Variants in MUC5AC observed in about 807,000 individuals in gnomAD.
MUC5AC encodes the protein mucin 5AC, oligomeric mucus/gel-forming, also known as mucin-5AC.
Under a neutral mutation model 169.7 loss-of-function variants are expected in MUC5AC, and 158 were observed. That is an observed-to-expected ratio of 0.93 (90% confidence interval 0.82 to 1.06). MUC5AC has a LOEUF of 1.06. Ranked by LOEUF, MUC5AC falls within the 50% of genes least tolerant of loss-of-function variation. The pLI, the probability that MUC5AC is intolerant of heterozygous loss-of-function variation, is 0.00. For missense variants in MUC5AC, 4,359 were observed against 3,089.9 expected, an observed-to-expected ratio of 1.41 and a Z score of -9.74; for synonymous variants, 1,975 against 1,237.0, an observed-to-expected ratio of 1.60 and a Z score of -12.52.
Position 1,162,092 on chromosome 11 carries a change from C to T in MUC5AC, c.397C>T (p.Leu133=), listed in dbSNP as rs1860160553. The part of the protein sequence containing the change: ...RRSQESAAPT[L]SRVLMKVDGV... ...CAGCCAGGAGTCAGCGGCCCCCACG[C>T]TGAGCAGGGTCCTCATGAAGGTGGA... The change falls in exon 4 of 49, where the codon CTG becomes TTG. Residue 133 remains leucine, a synonymous_variant. Transcript: ENST00000621226. 3 of 1,612,600 alleles carry T rather than the reference C, an allele frequency of 1.9e-6. No individual in the cohort carries two copies. Among genetic ancestry groups the T allele is most frequent in the East Asian group, 2.2e-5 (1 of 44,890 alleles).
intron 7 of MUC5AC, 49 bp downstream of exon 7, chr11:1,164,040 T>G: frequency 6.2e-7 from 1 of 1,609,814 alleles, no homozygotes; most frequent in Non-Finnish European, 8.5e-7. Flanking sequence ...CAGGAGGGGT[T>G]GTGAGCCTGG....
chr11:1,195,629 TG>T (rs910929626), intron 36 of MUC5AC, among the ~76,000 whole-genome samples: 27 of 136,406 alleles, frequency 2.0e-4, no homozygotes, highest in African/African-American at 7.8e-4. Context: ...GGGCAGGGGC[TG>T]GGGGGGCCAG....
chr11:1,195,215 G>A lies in MUC5AC; in HGVS notation c.15394G>A (p.Val5132Ile), dbSNP rs775733134. The part of the protein sequence containing the change: ...VGPTTVGSTT[V>I]GPTTPPAPCL... ...GCCCACCACAGTTGGGTCTACCACG[G>A]TCGGGCCCACCACACCGCCTGCTCC... The change falls in exon 36 of 49, where the codon GTC (valine) becomes ATC (isoleucine). Residue 5132 changes from valine to isoleucine, a missense_variant. Val to Ile is a conservative substitution (Grantham distance 29). Coordinates refer to ENST00000621226, the MANE Select transcript of MUC5AC (RefSeq NM_001304359.2). 11 of 764,404 alleles carry A rather than the reference G, an allele frequency of 1.4e-5. No homozygotes were observed. The highest frequency in any genetic ancestry group is 2.2e-5 in the Non-Finnish European group (9 of 417,600). 47.4% of individuals were successfully genotyped at this position (764,404 alleles called of 1,614,324 possible). A position where few individuals can be genotyped will look rare whatever the true frequency, so the allele number is the denominator to read the frequency against.
At chr11:1,160,739 C>A in intron 2 of MUC5AC, 50 bp downstream of exon 2, 2 of 1,553,986 alleles carry the variant, frequency 1.3e-6, no homozygotes, top group Non-Finnish European at 8.7e-7. Context: ...ATTCCACCCT[C>A]CACCGTGTGG....
At chr11:1,193,028 AG>A (rs1564917804) in intron 32 of MUC5AC, 46 bp downstream of exon 32, 1 of 634,244 alleles carries the variant, frequency 1.6e-6, no homozygotes, top group South Asian at 1.7e-5. Context: ...GGGCTCCTAC[AG>A]GGAACTTGAA....
chr11:1,181,037 CCT>C (rs1346076229), intron 28 of MUC5AC, 100 bp from the exon 29 acceptor site: 1 of 397,390 alleles, frequency 2.5e-6, no homozygotes. Context: ...GAACTCCACC[CCT>C]GTCGGAGCTG....
chr11:1,159,567 GCGGGGC>G lies in MUC5AC; in HGVS notation c.74-1044_74-1039del, dbSNP rs1860069781. Among the ~76,000 whole-genome samples the G allele has an allele frequency of 1.5e-3, 41 of 26,598 alleles. 12 individuals carry two copies. The highest frequency in any genetic ancestry group is 4.0e-3 in the African/African-American group (39 of 9,756). The allele number at this position is 26,598 out of a possible 152,430, so 17.4% of individuals were successfully genotyped here. Reference sequence around the variant, plus strand: ...GCTGTGCGGGGCTGTGCGGGGCTGTGCGGGGCTGTGCGGGGCTGTGCGGGGCTGTGC... The same window carrying G: ...GCTGTGCGGGGCTGTGCGGGGCTGTGTGTGCGGGGCTGTGCGGGGCTGTGC... On this transcript the variant is annotated intron_variant, in intron 1 of 48. Coordinates refer to ENST00000621226, the MANE Select transcript of MUC5AC (RefSeq NM_001304359.2).
At position 1,185,532 on chromosome 11, in the gene MUC5AC, G is replaced by A. The variant is rs1157385104; in HGVS notation, c.7387G>A (p.Ala2463Thr). 1.4e-6 allele frequency: 1 copy of A among 723,060 alleles called. No individual in the cohort carries two copies. The highest frequency in any genetic ancestry group is 2.6e-5 in the East Asian group (1 of 38,968). 44.8% of individuals were successfully genotyped at this position (723,060 alleles called of 1,614,324 possible). Residue 2463 changes from alanine (A) to threonine (T), a missense_variant, in exon 31 of 49, where the codon GCC becomes ACC. By Grantham distance (58) the Ala-to-Thr change is moderately conservative. Coordinates refer to ENST00000621226, the MANE Select transcript of MUC5AC (RefSeq NM_001304359.2). ...TGTTCCCACGACCAGCACAACCTCT[G>A]CCCCTACAACAAGAACAACTTCTGC... ...SPVPTTSTTSAPTTRTTSAPK... is the reference protein window; with the variant it reads ...SPVPTTSTTSTPTTRTTSAPK...
In MUC5AC at chr11:1,187,211, A is replaced by AGCTCCTACAACCAGCACAACCTCT. The variant is rs1860974159; in HGVS notation, c.9069_9092dup (p.Ala3031_Ser3038dup). ...CTGCCCCTACAACCAGCACAACCTT[A>AGCTCCTACAACCAGCACAACCTCT]GCTCCTACAACCAGCACAACCTCTG... is the stretch of plus-strand genomic sequence containing the variant. On this transcript the variant is annotated inframe_insertion, in exon 31 of 49. Coordinates refer to ENST00000621226, the MANE Select transcript of MUC5AC (RefSeq NM_001304359.2). 1.6e-6 allele frequency: 1 copy of AGCTCCTACAACCAGCACAACCTCT among 634,826 alleles called. No homozygotes were observed. Among genetic ancestry groups the AGCTCCTACAACCAGCACAACCTCT allele is most frequent in the Non-Finnish European group, 2.8e-6 (1 of 355,630 alleles). 39.3% of individuals were successfully genotyped at this position (634,826 alleles called of 1,614,324 possible).
At chr11:1,200,245 G>A (rs897672507) in intron 48 of MUC5AC, among the ~76,000 whole-genome samples, 193 bp from the exon 49 acceptor site, 1 of 152,244 alleles carries the variant, frequency 6.6e-6, no homozygotes, top group Non-Finnish European at 1.5e-5. Flanking sequence ...CCATCAGCAC[G>A]GAGCCGGGGT....
rs1860832582 is a variant in MUC5AC, at chr11:1,182,259, C to A, written c.4114C>A (p.Leu1372Met). The A allele has an allele frequency of 2.5e-6, 1 of 398,618 alleles. No individual in the cohort carries two copies. Among genetic ancestry groups the A allele is most frequent in the Non-Finnish European group, 4.4e-6 (1 of 226,048 alleles). The allele number at this position is 398,618 out of a possible 1,614,324, so 24.7% of individuals were successfully genotyped here. The change falls in exon 31 of 49, where the codon CTG becomes ATG. Residue 1372 changes from leucine to methionine, a missense_variant. Coordinates refer to ENST00000621226, the MANE Select transcript of MUC5AC (RefSeq NM_001304359.2). ...AGCAGGCACTTCTCCCAGGACGAGG[C>A]TGCCCACAGCCTCTGCCTCACTGCC... ...TTAGTSPRTRLPTASASLPPV... is the reference protein window; with the variant it reads ...TTAGTSPRTRMPTASASLPPV...
chr11:1,167,947 G>A lies in MUC5AC; in HGVS notation c.1457G>A (p.Cys486Tyr), dbSNP rs1449229800. The A allele has an allele frequency of 2.6e-6, 4 of 1,550,744 alleles. No homozygotes were observed. The African/African-American group carries it at 5.5e-5, about 21-fold the overall frequency. Residue 486 changes from cysteine (C) to tyrosine (Y), a missense_variant, in exon 12 of 49, where the codon TGC (cysteine) becomes TAC (tyrosine). By Grantham distance (194) the Cys-to-Tyr change is radical (BLOSUM62 -2). Transcript: ENST00000621226. ...RRCGLTDSET[C>Y]LKSVTLSLDG... ...TGCGGGCTGACGGACAGCGAGACCT[G>A]CCTGAAGAGCGTGACACTGAGCCTG...
Position 1,190,064 on chromosome 11 carries a change from C to A in MUC5AC, c.11919C>A (p.His3973Gln), listed in dbSNP as rs1222886276. 0.033 allele frequency: 21,831 copies of A among 660,476 alleles called. 4 individuals carry two copies. Among genetic ancestry groups the A allele is most frequent in the Non-Finnish European group, 0.041 (14,254 of 345,232 alleles). 40.9% of individuals were successfully genotyped at this position (660,476 alleles called of 1,614,324 possible). Residue 3973 changes from histidine (H) to glutamine (Q), a missense_variant, in exon 31 of 49, where the codon CAC becomes CAA. Physicochemically the swap from His to Gln is conservative, Grantham distance 24 (BLOSUM62 0). Coordinates refer to ENST00000621226, the MANE Select transcript of MUC5AC (RefSeq NM_001304359.2). The part of the protein sequence containing the change: ...FDVDFPSPGP[H>Q]GGDKETYNNI... ...TGGACTTTCCATCCCCTGGACCCCA[C>A]GGTGGGGACAAGGAAACCTACAACA...
rs1860928910 is a variant in MUC5AC at position 1,185,827 on chromosome 11, C to T, written c.7682C>T (p.Thr2561Ile). The T allele has an allele frequency of 2.7e-6, 2 of 748,260 alleles. No homozygotes were observed. The highest frequency in any genetic ancestry group is 2.5e-5 in the East Asian group (1 of 40,454). The allele number at this position is 748,260 out of a possible 1,614,324, so 46.4% of individuals were successfully genotyped here. A position where few individuals can be genotyped will look rare whatever the true frequency, so the allele number is the denominator to read the frequency against. Residue 2561 changes from threonine to isoleucine, a missense_variant, in exon 31 of 49, where the codon ACA (threonine) becomes ATA (isoleucine). By Grantham distance (89) the Thr-to-Ile change is moderately conservative. Coordinates refer to ENST00000621226, the MANE Select transcript of MUC5AC (RefSeq NM_001304359.2). The stretch of plus-strand genomic sequence containing the variant: ...ATAAGCAGCACAACCTCTGCCACTA[C>T]AACCAGCACAACCTCTGGTCCTGGA... Reference protein sequence around the residue: ...APISSTTSATTTSTTSGPGTT... With the variant: ...APISSTTSATITSTTSGPGTT...
At chr11:1,196,244 C>A (rs984173190) in intron 37 of MUC5AC, 144 bp from the exon 38 acceptor site, 3 of 657,976 alleles carry the variant, frequency 4.6e-6, no homozygotes, top group Non-Finnish European at 8.2e-6. Context: ...CGTGGCGGGG[C>A]ACTGGGGTGT....
At position 1,188,835 on chromosome 11, in the gene MUC5AC, A is replaced by T. The variant is rs1223251794; in HGVS notation, c.10690A>T (p.Ile3564Phe). Residue 3564 changes from isoleucine to phenylalanine, a missense_variant, in exon 31 of 49, where the codon ATC becomes TTC. Coordinates refer to ENST00000621226, the MANE Select transcript of MUC5AC (RefSeq NM_001304359.2). ...AAAAATCTGCCGCCGACCTGAGGAG[A>T]TCACCAGGCTCCAGTGCCGAGCCAA... ...GEKICRRPEE[I>F]TRLQCRAKSH... The T allele has an allele frequency of 5.3e-6, 4 of 761,750 alleles. No homozygotes were observed. Among genetic ancestry groups the T allele is most frequent in the African/African-American group, 3.4e-5 (2 of 59,044 alleles). 47.2% of individuals were successfully genotyped at this position (761,750 alleles called of 1,614,324 possible).
At chr11:1,175,741 C>T (rs1314729741) in intron 19 of MUC5AC, among the ~76,000 whole-genome samples, 2 of 143,124 alleles carry the variant, frequency 1.4e-5, no homozygotes, top group East Asian at 4.2e-4. Context: ...TGCACACACA[C>T]CGTCATGCAC....
chr11:1,161,005 C>T (rs1860126109), intron 2 of MUC5AC, among the ~76,000 whole-genome samples: 1 of 152,210 alleles, frequency 6.6e-6, no homozygotes, highest in Non-Finnish European at 1.5e-5. Flanking sequence ...TGGTGTCCCC[C>T]CCGTTCACCT....
In MUC5AC at chr11:1,187,899, A is replaced by G; in HGVS notation, c.9754A>G (p.Ile3252Val). The change falls in exon 31 of 49, where the codon ATC (isoleucine) becomes GTC (valine). Residue 3252 changes from isoleucine (I) to valine (V), a missense_variant. Physicochemically the swap from Ile to Val is conservative, Grantham distance 29. Coordinates refer to ENST00000621226, the MANE Select transcript of MUC5AC (RefSeq NM_001304359.2). ...CGGGGACAAGGAAACCTACAACAAC[A>G]TCATCAGGAGTGGGGAAAAAATCTG... ...HGGDKETYNN[I>V]IRSGEKICRR... 2.6e-6 allele frequency: 2 copies of G among 759,820 alleles called. No individual in the cohort carries two copies. The highest frequency in any genetic ancestry group is 4.8e-6 in the Non-Finnish European group (2 of 414,674). 47.1% of individuals were successfully genotyped at this position (759,820 alleles called of 1,614,324 possible).
Sources: gnomAD v4.1 joint callset for allele counts (sites outside exome capture counted in the v4.1 genomes callset) on GRCh38, gnomAD v4.1.1 for gene constraint, MANE v1.5 for transcripts, NCBI Gene and HGNC (gene_info 2026-07-23, HGNC 2026-07-21) for gene names.